SUDS3: variants seen among roughly 807,000 people sequenced by gnomAD.
SUDS3 encodes SIN3A corepressor complex component SDS3.
A neutral mutation model predicts 53.5 loss-of-function variants in SUDS3; 23 were observed. The observed-to-expected ratio is 0.43, with a 90% confidence interval of 0.31 to 0.61. The LOEUF is 0.61. Ranked by LOEUF, SUDS3 falls within the 20% of genes least tolerant of loss-of-function variation. SUDS3 has a pLI of 0.10. For synonymous variants in SUDS3, 150 were observed against 148.5 expected (o/e 1.01, Z -0.08); for missense variants, 291 against 405.9 (o/e 0.72, Z 2.43).
At chr12:118,385,534 CTG>C (rs978608742) in intron 3 of SUDS3, among the ~76,000 whole-genome samples, 18 of 152,296 alleles carry the variant, frequency 1.2e-4, no homozygotes, top group Admixed American at 5.2e-4. Context: ...TCATAATTAA[CTG>C]TTTTGTGGGA....
At chr12:118,407,793 A>G (rs1158804970) in intron 10 of SUDS3, among the ~76,000 whole-genome samples, 2 of 149,808 alleles carry the variant, frequency 1.3e-5, no homozygotes, top group Non-Finnish European at 3.0e-5. Context: ...ATCTTGGCTC[A>G]CTGCAGACTC....
At position 118,407,435 on chromosome 12, in the gene SUDS3, C is replaced by G. The variant is rs79036456; in HGVS notation, c.804-3638C>G. On this transcript the variant is annotated intron_variant, in intron 10 of 11. Transcript: ENST00000543473. ...CCAATGGTGGACATTCAGGCCACCA[C>G]CATTCAGTGATTCCAAAGGAGGCGG... 5.3e-5 allele frequency among the ~76,000 whole-genome samples: 8 copies of G among 152,166 alleles called. No individual in the cohort carries two copies. In the East Asian group the frequency reaches 1.4e-3, roughly 26 times the overall value.
At chr12:118,377,028 T>G (rs1391395682) in intron 1 of SUDS3, among the ~76,000 whole-genome samples, 195 bp downstream of exon 1, 1 of 152,024 alleles carries the variant, frequency 6.6e-6, no homozygotes, top group Non-Finnish European at 1.5e-5. Flanking sequence ...TGCGTTACAC[T>G]CGACCGTGAT....
intron 4 of SUDS3, among the ~76,000 whole-genome samples, chr12:118,387,048 G>A (rs1237291051): frequency 6.6e-6 from 1 of 152,148 alleles, no homozygotes; most frequent in African/African-American, 2.4e-5. Context: ...CTTTCATTCT[G>A]GGCCAGTGAC....
At chr12:118,387,554 G>C (rs1698271906) in intron 4 of SUDS3, among the ~76,000 whole-genome samples, 1 of 151,456 alleles carries the variant, frequency 6.6e-6, no homozygotes, top group Middle Eastern at 3.4e-3. Flanking sequence ...GTCCTCATGT[G>C]TTCTTTTTTT....
intron 10 of SUDS3, among the ~76,000 whole-genome samples, chr12:118,406,510 G>A (rs1462199681): frequency 1.3e-5 from 2 of 152,130 alleles, no homozygotes; most frequent in South Asian, 2.1e-4. Flanking sequence ...GTACAGTAGT[G>A]GTAATTTCTA....
At chr12:118,396,180 G>A (rs2046213753) in intron 6 of SUDS3, among the ~76,000 whole-genome samples, 1 of 152,158 alleles carries the variant, frequency 6.6e-6, no homozygotes, top group Non-Finnish European at 1.5e-5. Context: ...CTGCTATAAT[G>A]TTTACTCTGC....
chr12:118,414,229 A>G (rs761658818), intron 11 of SUDS3, 106 bp from the exon 12 acceptor site: 241 of 812,436 alleles, frequency 3.0e-4, no homozygotes, highest in Middle Eastern at 4.5e-4. Flanking sequence ...GCAAGAGGCT[A>G]CCAGCCTTCT....
rs1413641086 is a variant in SUDS3, at chr12:118,417,418, G to C, written c.*2985G>C. On this transcript the variant is annotated 3_prime_UTR_variant, in exon 12 of 12. Coordinates refer to ENST00000543473, the MANE Select transcript of SUDS3 (RefSeq NM_022491.3). ...GTATTTTTTACAGTTTTTTGGGTTT[G>C]GCTTCCTTCTCACATTTCTTTAGCT... The C allele has an allele frequency of 6.6e-6, 1 of 151,582 alleles. No individual in the cohort carries two copies. The highest frequency in any genetic ancestry group is 2.4e-5 in the African/African-American group (1 of 41,260). The allele number at this position is 151,582 out of a possible 1,614,324, so 9.4% of individuals were successfully genotyped here.
intron 4 of SUDS3, among the ~76,000 whole-genome samples, chr12:118,388,462 A>G (rs1593759432): frequency 6.6e-6 from 1 of 152,182 alleles, no homozygotes; most frequent in East Asian, 1.9e-4. Context: ...AGTAGAAGCC[A>G]TGGAGCAATT....
rs1001363630 is a variant in SUDS3, at chr12:118,376,572, C to T, written c.-120C>T. On this transcript the variant is annotated 5_prime_UTR_variant, in exon 1 of 12. Transcript: ENST00000543473. ...AGCTCGGCGGAGACGGGGAAGGGGT[C>T]GCCGTGGCTGCCGGTCCTCGAGTTG... is the stretch of plus-strand genomic sequence containing the variant. 1.2e-5 allele frequency: 15 copies of T among 1,210,018 alleles called. No individual in the cohort carries two copies. Among genetic ancestry groups the T allele is most frequent in the South Asian group, 3.2e-5 (1 of 31,206 alleles). 75.0% of individuals were successfully genotyped at this position (1,210,018 alleles called of 1,614,324 possible). A position where few individuals can be genotyped will look rare whatever the true frequency, so the allele number is the denominator to read the frequency against.
At chr12:118,395,764 T>C (rs984360941) in intron 6 of SUDS3, among the ~76,000 whole-genome samples, 8 of 152,056 alleles carry the variant, frequency 5.3e-5, no homozygotes, top group African/African-American at 1.7e-4. Flanking sequence ...CGGTCTTGGC[T>C]CACTGTACCC....
intron 3 of SUDS3, 52 bp from the exon 4 acceptor site, chr12:118,386,062 T>C: frequency 1.4e-6 from 2 of 1,400,456 alleles, no homozygotes; most frequent in Non-Finnish European, 9.9e-7. Context: ...AAGCAAAATG[T>C]AGAGCAGATT....
intron 1 of SUDS3, among the ~76,000 whole-genome samples, chr12:118,377,416 T>C (rs560942750): frequency 3.5e-4 from 53 of 152,298 alleles, no homozygotes; most frequent in Admixed American, 2.0e-3. Flanking sequence ...TTCCCACACC[T>C]GCCCTAGAAG....
chr12:118,403,359 G>T, intron 9 of SUDS3, 53 bp from the exon 10 acceptor site: 1 of 1,350,260 alleles, frequency 7.4e-7, no homozygotes, highest in South Asian at 1.2e-5. Context: ...TTAACTGGTA[G>T]ACTCGCATGT....
At chr12:118,410,154 C>A (rs539631940) in intron 10 of SUDS3, among the ~76,000 whole-genome samples, 1 of 152,308 alleles carries the variant, frequency 6.6e-6, no homozygotes, top group South Asian at 2.1e-4. Flanking sequence ...AACTTGTGGC[C>A]TTTCTCACTG....
chr12:118,390,538 G>A (rs1224834116), intron 5 of SUDS3, among the ~76,000 whole-genome samples: 3 of 152,096 alleles, frequency 2.0e-5, no homozygotes, highest in Non-Finnish European at 2.9e-5. Flanking sequence ...TCAGTGTGGT[G>A]CCCATAGTCA....
intron 2 of SUDS3, among the ~76,000 whole-genome samples, chr12:118,383,688 G>A (rs868363057): frequency 1.3e-5 from 2 of 152,212 alleles, no homozygotes; most frequent in South Asian, 4.1e-4. Flanking sequence ...TCTACATTGT[G>A]TGTGTGCTTG....
intron 10 of SUDS3, among the ~76,000 whole-genome samples, chr12:118,409,352 G>C (rs374465873): frequency 3.3e-5 from 5 of 152,010 alleles, no homozygotes; most frequent in South Asian, 4.2e-4. Flanking sequence ...TCACCATGTT[G>C]GCCAGGCTGG....
Sources: allele counts gnomAD v4.1 joint callset (sites outside exome capture counted in the v4.1 genomes callset), GRCh38; gene constraint gnomAD v4.1.1; transcripts MANE v1.5; gene names NCBI Gene and HGNC (gene_info 2026-07-23, HGNC 2026-07-21).